LIMCH1: variants seen among roughly 807,000 people sequenced by gnomAD.
LIMCH1 encodes LIM and calponin homology domains 1.
In LIMCH1, 113 loss-of-function variants were observed where a neutral mutation model predicts 176.5. The ratio of observed to expected loss-of-function variants is 0.64; its 90% CI spans 0.55 to 0.75. LIMCH1 has a LOEUF of 0.75. LIMCH1 is among the 30% of genes least tolerant of loss of function. LIMCH1 has a pLI of 0.00. For synonymous variants in LIMCH1, 619 were observed against 645.9 expected (o/e 0.96, Z 0.63); for missense variants, 1,674 against 1,814.9 (o/e 0.92, Z 1.41).
intron 1 of LIMCH1, among the ~76,000 whole-genome samples, chr4:41,547,622 A>G (rs1275399937): frequency 6.8e-6 from 1 of 146,930 alleles, no homozygotes; most frequent in Admixed American, 6.9e-5. Context: ...AAATATACAG[A>G]TATTATAAAT....
chr4:41,624,527 G>T (rs1240380302), intron 7 of LIMCH1, among the ~76,000 whole-genome samples: 5 of 142,626 alleles, frequency 3.5e-5, no homozygotes, highest in African/African-American at 1.3e-4. Flanking sequence ...CGGTGCACAA[G>T]TAATTGCGGT....
chr4:41,380,602 G>A (rs896256502), intron 1 of LIMCH1, among the ~76,000 whole-genome samples: 1 of 151,948 alleles, frequency 6.6e-6, no homozygotes, highest in African/African-American at 2.4e-5. Context: ...GATTTAAAAT[G>A]ATCTGGATCA....
Position 41,406,356 on chromosome 4 carries a change from TTATCTA to T in LIMCH1, c.96+45421_96+45426del, listed in dbSNP as rs550841590. On this transcript the variant is annotated intron_variant, in intron 1 of 26. Transcript: ENST00000313860. The stretch of plus-strand genomic sequence containing the variant: ...ATTGCTTTCATTTTTCTTTGGGAAA[TTATCTA>T]GAATAGCTGTAGTGATGTCATCAGA... Among the ~76,000 whole-genome samples, 7 of 152,204 alleles carry T rather than the reference TTATCTA, an allele frequency of 4.6e-5. 1 individual carries two copies. Among genetic ancestry groups the T allele is most frequent in the Non-Finnish European group, 1.0e-4 (7 of 68,028 alleles).
intron 3 of LIMCH1, among the ~76,000 whole-genome samples, chr4:41,531,523 C>CCT (rs2077312734): frequency 1.4e-5 from 2 of 144,974 alleles, no homozygotes; most frequent in African/African-American, 2.6e-5. Flanking sequence ...CACATACACA[C>CCT]CTTATACTTG....
At chr4:41,662,717 G>T (rs1417533124) in intron 19 of LIMCH1, 104 bp from the exon 20 acceptor site, 2 of 1,204,610 alleles carry the variant, frequency 1.7e-6, no homozygotes, top group African/African-American at 3.0e-5. Context: ...TTGCCAGGAC[G>T]GGATATGGAC....
chr4:41,631,637 A>G (rs1340942142), intron 10 of LIMCH1, among the ~76,000 whole-genome samples, 160 bp downstream of exon 10: 1 of 152,220 alleles, frequency 6.6e-6, no homozygotes, highest in African/African-American at 2.4e-5. Flanking sequence ...TGCGGGGAAC[A>G]TGTATGTGAA....
intron 1 of LIMCH1, among the ~76,000 whole-genome samples, chr4:41,483,121 G>A (rs948809967): frequency 2.6e-5 from 4 of 152,138 alleles, no homozygotes; most frequent in African/African-American, 9.7e-5. Context: ...GATGGATGCT[G>A]TGGGTAGAGG....
At chr4:41,454,165 C>T (rs2064240550) in intron 1 of LIMCH1, among the ~76,000 whole-genome samples, 1 of 152,152 alleles carries the variant, frequency 6.6e-6, no homozygotes, top group Non-Finnish European at 1.5e-5. Context: ...CTTCATGACC[C>T]TCACCATCAT....
At chr4:41,440,528 ATTAT>A (rs1345134964) in intron 1 of LIMCH1, among the ~76,000 whole-genome samples, 3 of 152,040 alleles carry the variant, frequency 2.0e-5, no homozygotes, top group African/African-American at 7.2e-5. Context: ...ACCATGGTCT[ATTAT>A]TTATTTATTT....
chr4:41,661,691 G>C (rs1176880978), intron 19 of LIMCH1, among the ~76,000 whole-genome samples, 181 bp downstream of exon 19: 1 of 152,128 alleles, frequency 6.6e-6, no homozygotes, highest in Non-Finnish European at 1.5e-5. Context: ...GGTTAATGTT[G>C]CTGTGAAAAT....
intron 1 of LIMCH1, among the ~76,000 whole-genome samples, chr4:41,565,583 C>A (rs1290064117): frequency 6.6e-6 from 1 of 151,928 alleles, no homozygotes; most frequent in Admixed American, 6.6e-5. Context: ...GCTTTTGTAT[C>A]TTTCTCTAAG....
At chr4:41,553,664 C>T (rs1383704062) in intron 1 of LIMCH1, among the ~76,000 whole-genome samples, 2 of 151,960 alleles carry the variant, frequency 1.3e-5, no homozygotes, top group Non-Finnish European at 2.9e-5. Context: ...AATGAAAGAA[C>T]GGAGGAAGGG....
In LIMCH1 at chr4:41,613,240, A is replaced by T. The variant is rs201252219; in HGVS notation, c.10-226A>T. ...ATATGAGTTATTTGGGGATTTTTTTAAAAAAAACGTTGTGCATGATTTTCT... is the reference window on the plus strand; with the variant it reads ...ATATGAGTTATTTGGGGATTTTTTTTAAAAAAACGTTGTGCATGATTTTCT... On this transcript the variant is annotated intron_variant, in intron 4 of 31. Coordinates refer to ENST00000503057, the MANE Select transcript of LIMCH1 (RefSeq NM_001330672.2). 265 of 649,368 alleles carry T rather than the reference A, an allele frequency of 4.1e-4. 1 individual carries two copies. The highest frequency in any genetic ancestry group is 2.2e-3 in the South Asian group (117 of 52,172). The allele number at this position is 649,368 out of a possible 1,614,324, so 40.2% of individuals were successfully genotyped here.
intron 1 of LIMCH1, among the ~76,000 whole-genome samples, chr4:41,370,612 A>C (rs1169180211): frequency 6.6e-6 from 1 of 152,178 alleles, no homozygotes; most frequent in Non-Finnish European, 1.5e-5. Context: ...GCAAGATGTC[A>C]TAAATAGGAG....
intron 5 of LIMCH1, among the ~76,000 whole-genome samples, 160 bp downstream of exon 5, chr4:41,613,821 T>C (rs1310479604): frequency 6.6e-6 from 1 of 152,258 alleles, no homozygotes; most frequent in African/African-American, 2.4e-5. Flanking sequence ...AGTCTTTGAA[T>C]GTTGTTTTTC....
chr4:41,438,174 G>A (rs1411951379), intron 1 of LIMCH1, among the ~76,000 whole-genome samples: 5 of 151,796 alleles, frequency 3.3e-5, no homozygotes, highest in Admixed American at 3.3e-4. Context: ...TATTAAAATT[G>A]CCCATTTCAT....
chr4:41,533,398 G>C (rs1279615360), upstream of LIMCH1, among the ~76,000 whole-genome samples: 1 of 152,176 alleles, frequency 6.6e-6, no homozygotes, highest in Non-Finnish European at 1.5e-5. Flanking sequence ...TGAATGAAAT[G>C]GTTGTATCCG....
intron 1 of LIMCH1, among the ~76,000 whole-genome samples, chr4:41,443,657 G>A (rs979798563): frequency 2.4e-4 from 36 of 152,134 alleles, no homozygotes; most frequent in Admixed American, 1.3e-4. Flanking sequence ...GTAAGCAATG[G>A]CTAAACTCTT....
intron 25 of LIMCH1, among the ~76,000 whole-genome samples, chr4:41,681,646 C>T (rs923327560): frequency 4.6e-5 from 7 of 151,722 alleles, no homozygotes; most frequent in African/African-American, 1.7e-4. Flanking sequence ...TACTCCAGCC[C>T]GGGTGAGAGA....
Sources: gnomAD v4.1 joint callset for allele counts (sites outside exome capture counted in the v4.1 genomes callset) on GRCh38, gnomAD v4.1.1 for gene constraint, MANE v1.5 for transcripts, NCBI Gene and HGNC (gene_info 2026-07-23, HGNC 2026-07-21) for gene names.